The following METTL4 variants were observed in gnomAD, a reference collection of about 807,000 sequenced individuals.
METTL4 encodes N(6)-adenine-specific methyltransferase METTL4.
A neutral mutation model predicts 54.0 loss-of-function variants in METTL4; 40 were observed. That is an observed-to-expected ratio of 0.74 (90% CI 0.58 to 0.96). METTL4 has a LOEUF of 0.96. METTL4 is among the 50% of genes least tolerant of loss of function. METTL4 has a pLI of 0.00. For synonymous variants in METTL4, 169 were observed against 183.8 expected, an observed-to-expected ratio of 0.92 and a Z score of 0.65; for missense variants, 525 against 549.0, an observed-to-expected ratio of 0.96 and a Z score of 0.44.
chr18:2,545,485 A>C (rs1359710973), intron 6 of METTL4, among the ~76,000 whole-genome samples: 3 of 152,100 alleles, frequency 2.0e-5, no homozygotes, highest in Non-Finnish European at 2.9e-5. Context: ...TAGTCCAGAG[A>C]CTGGCCCTTG....
chr18:2,569,087 C>T (rs2072464031), intron 1 of METTL4: 1 of 154,830 alleles, frequency 6.5e-6, no homozygotes, highest in African/African-American at 2.4e-5. Context: ...CATGAAACTC[C>T]CTCAGCAGCC....
At chr18:2,546,360 A>G (rs926911275) in intron 6 of METTL4, among the ~76,000 whole-genome samples, 2 of 152,190 alleles carry the variant, frequency 1.3e-5, no homozygotes, top group African/African-American at 4.8e-5. Context: ...GTTATTGTTT[A>G]TCTCTCTATT....
Position 2,563,495 on chromosome 18 carries a change from C to G in METTL4, c.459+302G>C, listed in dbSNP as rs193149190. On this transcript the variant is annotated intron_variant, in intron 3 of 8. Transcript: ENST00000574538. ...TATAATCCCAGCTACTCAGAGGAGG[C>G]CAAGGCATGAGATTGCTTGAACCCA... Among the ~76,000 whole-genome samples the G allele has an allele frequency of 6.0e-5, 9 of 149,672 alleles. No individual in the cohort carries two copies. The East Asian group carries it at 1.4e-3, about 23-fold the overall frequency.
chr18:2,552,773 A>C lies in METTL4; in HGVS notation c.830-9T>G, dbSNP rs973890149. Reference sequence around the variant, plus strand: ...ATCAAATGTTTTCCTATCTGAAAACAAAGATACAATTTCAGAAAATACCTT... The same window carrying C: ...ATCAAATGTTTTCCTATCTGAAAACCAAGATACAATTTCAGAAAATACCTT... On this transcript the variant is annotated splice_polypyrimidine_tract_variant and intron_variant, in intron 4 of 8. Transcript: ENST00000574538. 2.5e-6 allele frequency: 4 copies of C among 1,593,222 alleles called. No homozygotes were observed. Among genetic ancestry groups the C allele is most frequent in the African/African-American group, 1.3e-5 (1 of 74,600 alleles).
At chr18:2,570,291 A>C (rs987040265) in intron 1 of METTL4, among the ~76,000 whole-genome samples, 3 of 152,216 alleles carry the variant, frequency 2.0e-5, no homozygotes, top group African/African-American at 7.2e-5. Flanking sequence ...TGGGGTGCAC[A>C]GCAGGAATAT....
chr18:2,567,106 C>T lies in METTL4; in HGVS notation c.111G>A (p.Lys37=). 1.9e-6 allele frequency: 3 copies of T among 1,614,152 alleles called. No homozygotes were observed. The South Asian group carries it at 3.3e-5, about 18-fold the overall frequency. Residue 37 remains lysine (K), a synonymous_variant, in exon 2 of 9, where the codon AAG becomes AAA. Coordinates refer to ENST00000574538, the MANE Select transcript of METTL4 (RefSeq NM_022840.5). ...CAAAGTGAACAGAAGTAGTGAACTC[C>T]TTTTTACGGCAACAAGGTTCATGAT... ...HQHHEPCCRK[K]EFTTSVHFES...
chr18:2,547,090 A>G (rs912394357), intron 6 of METTL4, among the ~76,000 whole-genome samples: 3 of 152,210 alleles, frequency 2.0e-5, no homozygotes, highest in Non-Finnish European at 1.5e-5. Context: ...TACAGACAAA[A>G]TCAGAGCTTT....
chr18:2,560,840 T>C (rs368524739), intron 3 of METTL4, among the ~76,000 whole-genome samples: 1 of 152,118 alleles, frequency 6.6e-6, no homozygotes, highest in African/African-American at 2.4e-5. Flanking sequence ...GATGGGCCAC[T>C]GCACTCCAGC....
Position 2,567,293 on chromosome 18 carries a change from T to C in METTL4, c.-77A>G. On this transcript the variant is annotated 5_prime_UTR_variant, in exon 2 of 9. Transcript: ENST00000574538. ...ACTTTCCAGATCAGCTTCTTAAATATCTTGTATTTCAATAAACATACACTT... is the reference window on the plus strand; with the variant it reads ...ACTTTCCAGATCAGCTTCTTAAATACCTTGTATTTCAATAAACATACACTT... The C allele has an allele frequency of 1.5e-6, 2 of 1,349,430 alleles. No individual in the cohort carries two copies. Among genetic ancestry groups the C allele is most frequent in the Non-Finnish European group, 2.0e-6 (2 of 987,138 alleles). 83.6% of individuals were successfully genotyped at this position (1,349,430 alleles called of 1,614,324 possible). A position where few individuals can be genotyped will look rare whatever the true frequency, so the allele number is the denominator to read the frequency against.
chr18:2,538,866 C>T lies in METTL4; in HGVS notation c.*134G>A. Reference sequence around the variant, plus strand: ...TACATGAAGGCTAGTCACTTCTGGTCCCTTACTGAAAAAAACAAGTCCTGT... The same window carrying T: ...TACATGAAGGCTAGTCACTTCTGGTTCCTTACTGAAAAAAACAAGTCCTGT... On this transcript the variant is annotated 3_prime_UTR_variant, in exon 9 of 9. Transcript: ENST00000574538. 2.3e-6 allele frequency: 2 copies of T among 853,534 alleles called. No homozygotes were observed. The highest frequency in any genetic ancestry group is 3.6e-6 in the Non-Finnish European group (2 of 555,858). 52.9% of individuals were successfully genotyped at this position (853,534 alleles called of 1,614,324 possible). A position where few individuals can be genotyped will look rare whatever the true frequency, so the allele number is the denominator to read the frequency against.
intron 5 of METTL4, among the ~76,000 whole-genome samples, chr18:2,552,484 T>C (rs2072177128): frequency 6.6e-6 from 1 of 152,192 alleles, no homozygotes; most frequent in Non-Finnish European, 1.5e-5. Context: ...CTGGCATTAA[T>C]AAATGCACTA....
At chr18:2,568,362 G>A (rs1312258348) in intron 1 of METTL4, 1 of 152,210 alleles carries the variant, frequency 6.6e-6, no homozygotes, top group Non-Finnish European at 1.5e-5. Flanking sequence ...GGAAGAAGGG[G>A]CGAGCCTAAG....
intron 1 of METTL4, among the ~76,000 whole-genome samples, chr18:2,570,658 C>A (rs896094605): frequency 6.6e-6 from 1 of 152,080 alleles, no homozygotes; most frequent in African/African-American, 2.4e-5. Flanking sequence ...CCTTCATAGG[C>A]CACAGCTGAG....
chr18:2,568,952 A>G, intron 1 of METTL4: 1 of 226,460 alleles, frequency 4.4e-6, no homozygotes, highest in Non-Finnish European at 9.2e-6. Flanking sequence ...GTGTAACAAA[A>G]ATTAATGCTA....
rs147825014 is a variant in METTL4 at position 2,567,070 on chromosome 18, T to C, written c.147A>G (p.Gln49=). The C allele has an allele frequency of 3.5e-5, 57 of 1,614,188 alleles. No individual in the cohort carries two copies. The highest frequency in any genetic ancestry group is 3.1e-4 in the African/African-American group (23 of 75,064). The change falls in exon 2 of 9, where the codon CAA becomes CAG. Residue 49 remains glutamine (Q), a synonymous_variant. Transcript: ENST00000574538. ...FTTSVHFESL[Q]MDSVSSSGVC... ...CTCCAGAGGAGGACACAGAATCCATTTGAAGAGACTCAAAGTGAACAGAAG... is the reference window on the plus strand; with the variant it reads ...CTCCAGAGGAGGACACAGAATCCATCTGAAGAGACTCAAAGTGAACAGAAG...
At chr18:2,547,666 CCA>C in intron 5 of METTL4, 137 bp from the exon 6 acceptor site, 1 of 582,142 alleles carries the variant, frequency 1.7e-6, no homozygotes, top group East Asian at 3.1e-5. Context: ...AAATATAAAG[CCA>C]CAGTGACACC....
rs771332765 is a variant in METTL4, at chr18:2,554,995, T to G, written c.503A>C (p.Glu168Ala). The G allele has an allele frequency of 3.1e-6, 5 of 1,613,926 alleles. No homozygotes were observed. Among genetic ancestry groups the G allele is most frequent in the Non-Finnish European group, 4.2e-6 (5 of 1,179,928 alleles). The change falls in exon 4 of 9, where the codon GAA becomes GCA. Residue 168 changes from glutamate (E) to alanine (A), a missense_variant. Physicochemically the swap from Glu to Ala is moderately radical, Grantham distance 107 (BLOSUM62 -1). Coordinates refer to ENST00000574538, the MANE Select transcript of METTL4 (RefSeq NM_022840.5). ...ATAAAGAAAACCACTTTTGAGACCT[T>G]CCTGGATCAACTGTAAAGATCCATC... ...ILDGSLQLIQ[E>A]GLKSGFLYPL...
intron 3 of METTL4, 79 bp downstream of exon 3, chr18:2,563,718 T>A: frequency 1.0e-6 from 1 of 988,840 alleles, no homozygotes; most frequent in South Asian, 1.6e-5. Flanking sequence ...TGAAAAAAAA[T>A]CCTTATTTAT....
intron 5 of METTL4, among the ~76,000 whole-genome samples, chr18:2,548,411 G>A (rs2072104444): frequency 1.3e-5 from 2 of 151,888 alleles, no homozygotes. Context: ...ATGCTATCCA[G>A]CTATGTTAAC....
Sources: gnomAD v4.1 joint callset for allele counts (sites outside exome capture counted in the v4.1 genomes callset) on GRCh38, gnomAD v4.1.1 for gene constraint, MANE v1.5 for transcripts, NCBI Gene and HGNC (gene_info 2026-07-23, HGNC 2026-07-21) for gene names.